Variants in SIK2 observed in about 807,000 individuals in gnomAD.
SIK2 encodes the protein serine/threonine-protein kinase SIK2.
In SIK2, 29 loss-of-function variants were observed where a neutral mutation model predicts 103.2. The ratio of observed to expected loss-of-function variants is 0.28; its 90% confidence interval spans 0.21 to 0.38. The LOEUF is 0.38. Among genes scored for constraint, SIK2 ranks in the 10% least tolerant of loss-of-function variants. SIK2 has a pLI of 1.00. For missense variants in SIK2, 879 were observed against 1,171.0 expected (o/e 0.75, Z 3.64); for synonymous variants, 412 against 446.1 (o/e 0.92, Z 0.96).
chr11:111,668,878 T>G (rs1347827528), intron 3 of SIK2, among the ~76,000 whole-genome samples: 2 of 152,140 alleles, frequency 1.3e-5, no homozygotes, highest in Non-Finnish European at 2.9e-5. Flanking sequence ...CATGTCATAG[T>G]TAAGAGTTGA....
rs1158819721 is a variant in SIK2, at chr11:111,693,998, A to G, written c.478+5836A>G. Among the ~76,000 whole-genome samples, 4 of 152,326 alleles carry G rather than the reference A, an allele frequency of 2.6e-5. No homozygotes were observed. The South Asian group carries it at 8.3e-4, about 32-fold the overall frequency. On this transcript the variant is annotated intron_variant, in intron 4 of 14. Coordinates refer to ENST00000304987, the MANE Select transcript of SIK2 (RefSeq NM_015191.3). ...TCCTTATCTGTAAAGGGAGAGTGAT[A>G]AAAGTTCATATCTCATAGTGATTAT... is the stretch of plus-strand genomic sequence containing the variant.
At chr11:111,676,269 A>G (rs1157404497) in intron 3 of SIK2, among the ~76,000 whole-genome samples, 3 of 152,202 alleles carry the variant, frequency 2.0e-5, no homozygotes, top group African/African-American at 4.8e-5. Context: ...TCCTTTGGGC[A>G]TATACCCAGT....
At chr11:111,630,805 T>C (rs1319328246) in intron 3 of SIK2, among the ~76,000 whole-genome samples, 1 of 152,138 alleles carries the variant, frequency 6.6e-6, no homozygotes, top group Non-Finnish European at 1.5e-5. Context: ...TACAACCAGA[T>C]TTCAAGAGGT....
At chr11:111,708,208 G>A (rs1591634947) in intron 8 of SIK2, among the ~76,000 whole-genome samples, 1 of 152,076 alleles carries the variant, frequency 6.6e-6, no homozygotes, top group South Asian at 2.1e-4. Flanking sequence ...ATGGTGAAAT[G>A]CCATCTCTAC....
rs186767216 is a variant in SIK2 at position 111,726,798 on chromosome 11, G to A, written c.*2669G>A. ...TGACTTGCTTTCCAGTCTGATTCAC[G>A]TTAGCAGTGTGTACACTACTGTATC... is the stretch of plus-strand genomic sequence containing the variant. On this transcript the variant is annotated 3_prime_UTR_variant, in exon 15 of 15. Transcript: ENST00000304987. The A allele has an allele frequency of 4.2e-4, 263 of 625,636 alleles. No individual in the cohort carries two copies. Among genetic ancestry groups the A allele is most frequent in the Non-Finnish European group, 4.8e-4 (167 of 350,700 alleles). 38.8% of individuals were successfully genotyped at this position (625,636 alleles called of 1,614,324 possible).
At chr11:111,646,510 C>T (rs533817737) in intron 3 of SIK2, among the ~76,000 whole-genome samples, 120 of 151,948 alleles carry the variant, frequency 7.9e-4, no homozygotes, top group Non-Finnish European at 1.4e-3. Context: ...ATGTATTAAC[C>T]CATGAAGCCA....
intron 8 of SIK2, among the ~76,000 whole-genome samples, chr11:111,708,953 A>G (rs1943423699): frequency 6.6e-6 from 1 of 152,188 alleles, no homozygotes; most frequent in South Asian, 2.1e-4. Flanking sequence ...AGTTTCCATC[A>G]GCTGGAAACA....
At chr11:111,660,205 G>A (rs1157430877) in intron 3 of SIK2, among the ~76,000 whole-genome samples, 1 of 152,072 alleles carries the variant, frequency 6.6e-6, no homozygotes, top group Non-Finnish European at 1.5e-5. Context: ...GCCCTGAGAC[G>A]AAATCAGGCC....
chr11:111,680,757 C>T (rs1053763118), intron 3 of SIK2, among the ~76,000 whole-genome samples: 2 of 152,180 alleles, frequency 1.3e-5, no homozygotes, highest in African/African-American at 4.8e-5. Flanking sequence ...TACCACTAAG[C>T]AGTGACGACG....
intron 3 of SIK2, among the ~76,000 whole-genome samples, chr11:111,675,870 C>T (rs1942696663): frequency 1.3e-5 from 2 of 152,082 alleles, no homozygotes; most frequent in African/African-American, 4.8e-5. Flanking sequence ...AAGCATGTAC[C>T]TGTTAGGCCA....
At chr11:111,652,428 C>T (rs913540629) in intron 3 of SIK2, among the ~76,000 whole-genome samples, 4 of 152,016 alleles carry the variant, frequency 2.6e-5, no homozygotes, top group Admixed American at 1.3e-4. Context: ...CCAAGAATTG[C>T]GGTGAGAGAT....
At position 111,703,258 on chromosome 11, in the gene SIK2, C is replaced by T; in HGVS notation, c.783C>T (p.Thr261=). The change falls in exon 7 of 15, where the codon ACC becomes ACT. Residue 261 remains threonine, a synonymous_variant. Coordinates refer to ENST00000304987, the MANE Select transcript of SIK2 (RefSeq NM_015191.3). The part of the protein sequence containing the change: ...MLVLDPSKRL[T]IAQIKEHKWM... ...TCCTAGACCCATCCAAACGGCTAAC[C>T]ATAGCCCAAATCAAGGAGCATAAAT... 3.7e-6 allele frequency: 6 copies of T among 1,614,172 alleles called. No individual in the cohort carries two copies. Among genetic ancestry groups the T allele is most frequent in the Non-Finnish European group, 5.1e-6 (6 of 1,180,024 alleles).
Position 111,602,825 on chromosome 11 carries a change from C to T in SIK2, c.135+127C>T. On this transcript the variant is annotated intron_variant, in intron 1 of 14. Coordinates refer to ENST00000304987, the MANE Select transcript of SIK2 (RefSeq NM_015191.3). This position sits in a 1 kb window ranked among gnomAD's most constrained non-coding sequence, Gnocchi z 4.5. ...AGGCCGCCTCACTGGCGGAGGCGAG[C>T]GGGCCTGGGACTGTGAGGACCCAGG... 1 of 1,343,582 alleles carries T rather than the reference C, an allele frequency of 7.4e-7. No homozygotes were observed. The highest frequency in any genetic ancestry group is 1.5e-5 in the African/African-American group (1 of 64,658). The allele number at this position is 1,343,582 out of a possible 1,614,324, so 83.2% of individuals were successfully genotyped here.
At chr11:111,628,931 A>G (rs887668769) in intron 3 of SIK2, among the ~76,000 whole-genome samples, 2 of 152,164 alleles carry the variant, frequency 1.3e-5, no homozygotes, top group Non-Finnish European at 2.9e-5. Flanking sequence ...TATTAGGAGT[A>G]GGAGAAGGGG....
At chr11:111,692,388 A>AAAAAAAAAAAAAAAAAAC (rs1942967737) in intron 4 of SIK2, among the ~76,000 whole-genome samples, 1 of 110,916 alleles carries the variant, frequency 9.0e-6, no homozygotes. Flanking sequence ...AAAAAAAAAA[A>AAAAAAAAAAAAAAAAAAC]CACAAAAAGG....
intron 4 of SIK2, among the ~76,000 whole-genome samples, chr11:111,690,058 A>T (rs1268301651): frequency 6.6e-6 from 1 of 152,000 alleles, no homozygotes; most frequent in Non-Finnish European, 1.5e-5. Context: ...TTGTTGTGAA[A>T]ATGTGATGCA....
rs1591659845 is a variant in SIK2 at position 111,729,503 on chromosome 11, G to C, written c.*5374G>C. 6.6e-6 allele frequency: 1 copy of C among 152,388 alleles called. No homozygotes were observed. Among genetic ancestry groups the C allele is most frequent in the South Asian group, 2.1e-4 (1 of 4,834 alleles). The allele number at this position is 152,388 out of a possible 1,614,324, so 9.4% of individuals were successfully genotyped here. A position where few individuals can be genotyped will look rare whatever the true frequency, so the allele number is the denominator to read the frequency against. ...AAGAAACCAAAGCTTTGGGAAGTTTGTGACTTCTCTGAGATCACAGCTGGT... is the reference window on the plus strand; with the variant it reads ...AAGAAACCAAAGCTTTGGGAAGTTTCTGACTTCTCTGAGATCACAGCTGGT... On this transcript the variant is annotated 3_prime_UTR_variant, in exon 15 of 15. Transcript: ENST00000304987.
chr11:111,663,092 G>A (rs1942488751), intron 3 of SIK2, among the ~76,000 whole-genome samples: 1 of 151,890 alleles, frequency 6.6e-6, no homozygotes, highest in African/African-American at 2.4e-5. Context: ...AAATTAGCCA[G>A]GTGTGGTGGT....
chr11:111,719,081 T>C (rs1943726961), intron 9 of SIK2, among the ~76,000 whole-genome samples: 1 of 152,134 alleles, frequency 6.6e-6, no homozygotes, highest in African/African-American at 2.4e-5. Flanking sequence ...TTCAGTGCAC[T>C]GGGGCTTATT....
Sources: gnomAD v4.1 joint callset for allele counts (sites outside exome capture counted in the v4.1 genomes callset) on GRCh38, gnomAD v4.1.1 for gene constraint, Gnocchi (gnomAD v3.1) non-coding constraint, MANE v1.5 for transcripts, NCBI Gene and HGNC (gene_info 2026-07-23, HGNC 2026-07-21) for gene names.